The following FSIP1 variants were observed in gnomAD, a reference collection of about 807,000 sequenced individuals.
FSIP1 encodes fibrous sheath interacting protein 1.
FSIP1 carries 65 observed loss-of-function variants against 60.9 expected under a neutral mutation model. That is an observed-to-expected ratio of 1.07 (90% CI 0.87 to 1.31). The LOEUF (loss-of-function observed/expected upper bound fraction) is 1.31, where lower values mean the gene tolerates loss of function less well. FSIP1 is among the 40% of genes most tolerant of loss of function. The pLI is 0.00. For synonymous variants in FSIP1, 209 were observed against 221.2 expected, an observed-to-expected ratio of 0.94 and a Z score of 0.49; for missense variants, 675 against 665.5, an observed-to-expected ratio of 1.01 and a Z score of -0.16.
At chr15:39,659,174 T>C (rs1309302462) in intron 10 of FSIP1, among the ~76,000 whole-genome samples, 1 of 152,148 alleles carries the variant, frequency 6.6e-6, no homozygotes, top group Non-Finnish European at 1.5e-5. Context: ...CTAATGGATA[T>C]AAGGTTTCTT....
At chr15:39,732,908 T>G (rs918248139) in intron 8 of FSIP1, among the ~76,000 whole-genome samples, 2 of 152,210 alleles carry the variant, frequency 1.3e-5, no homozygotes, top group East Asian at 3.8e-4. Flanking sequence ...TCCTAAACTT[T>G]TCCTGCGGCA....
chr15:39,747,685 A>G (rs1465572899), intron 5 of FSIP1, among the ~76,000 whole-genome samples: 1 of 152,196 alleles, frequency 6.6e-6, no homozygotes, highest in African/African-American at 2.4e-5. Flanking sequence ...TGCAAGAAAG[A>G]TATCTGAACT....
At chr15:39,722,798 C>T (rs542570648) in intron 9 of FSIP1, among the ~76,000 whole-genome samples, 1 of 152,072 alleles carries the variant, frequency 6.6e-6, no homozygotes, top group Non-Finnish European at 1.5e-5. Flanking sequence ...GGTGTGATGG[C>T]ATGCACCTGT....
intron 5 of FSIP1, among the ~76,000 whole-genome samples, chr15:39,744,275 A>G (rs1344624489): frequency 6.6e-6 from 1 of 152,186 alleles, no homozygotes; most frequent in Non-Finnish European, 1.5e-5. Flanking sequence ...CACTACAAAC[A>G]TTCATGTGAG....
chr15:39,717,077 G>T (rs766823604), intron 9 of FSIP1, among the ~76,000 whole-genome samples: 2 of 152,070 alleles, frequency 1.3e-5, no homozygotes, highest in Non-Finnish European at 2.9e-5. Flanking sequence ...CCTCCAAAGT[G>T]CTGGGATTAC....
chr15:39,751,531 A>G (rs1021790542), intron 5 of FSIP1, among the ~76,000 whole-genome samples: 2 of 151,756 alleles, frequency 1.3e-5, no homozygotes, highest in African/African-American at 4.8e-5. Flanking sequence ...ACATAATACT[A>G]TGTGAAATAA....
chr15:39,711,659 C>CCCTACCATT (rs1204854703), intron 10 of FSIP1, among the ~76,000 whole-genome samples: 1 of 151,076 alleles, frequency 6.6e-6, no homozygotes, highest in Admixed American at 6.6e-5. Flanking sequence ...CCTTACACTT[C>CCCTACCATT]CCTACCATTC....
chr15:39,719,931 C>G (rs1028022939), intron 9 of FSIP1, among the ~76,000 whole-genome samples: 3 of 152,216 alleles, frequency 2.0e-5, no homozygotes, highest in African/African-American at 7.2e-5. Flanking sequence ...GTAAAGAGCT[C>G]TGAAGTAACT....
intron 11 of FSIP1, among the ~76,000 whole-genome samples, chr15:39,612,366 T>C (rs1485039934): frequency 1.3e-5 from 2 of 151,968 alleles, no homozygotes; most frequent in South Asian, 2.1e-4. Flanking sequence ...TTCACAAATA[T>C]GTGGAAATTA....
chr15:39,617,303 AGAG>A (rs1891267647), intron 11 of FSIP1, among the ~76,000 whole-genome samples: 1 of 152,224 alleles, frequency 6.6e-6, no homozygotes, highest in Non-Finnish European at 1.5e-5. Flanking sequence ...GTGGCTCAGG[AGAG>A]GAGGTTTGCA....
chr15:39,633,560 C>T (rs1892000093), intron 10 of FSIP1, among the ~76,000 whole-genome samples: 1 of 152,228 alleles, frequency 6.6e-6, no homozygotes, highest in African/African-American at 2.4e-5. Context: ...TATTAATGCA[C>T]AGTATAATTA....
intron 10 of FSIP1, among the ~76,000 whole-genome samples, chr15:39,687,911 T>C (rs981819599): frequency 6.6e-6 from 1 of 152,292 alleles, no homozygotes; most frequent in East Asian, 1.9e-4. Flanking sequence ...GTTCACAGCC[T>C]TAATGAGATT....
intron 10 of FSIP1, among the ~76,000 whole-genome samples, chr15:39,629,999 G>C (rs1009414147): frequency 6.6e-6 from 1 of 152,096 alleles, no homozygotes; most frequent in Non-Finnish European, 1.5e-5. Flanking sequence ...AGCTTTTTCT[G>C]GTCACAAATG....
At chr15:39,678,799 A>G (rs1366602817) in intron 10 of FSIP1, among the ~76,000 whole-genome samples, 8 of 152,194 alleles carry the variant, frequency 5.3e-5, no homozygotes, top group Non-Finnish European at 1.5e-5. Flanking sequence ...GAAATCACAT[A>G]GCCTCAGTCT....
At chr15:39,719,008 A>T (rs1201479408) in intron 9 of FSIP1, among the ~76,000 whole-genome samples, 1 of 152,174 alleles carries the variant, frequency 6.6e-6, no homozygotes, top group Non-Finnish European at 1.5e-5. Flanking sequence ...AATTCTCTAC[A>T]GTTAGACCCA....
Position 39,618,118 on chromosome 15 carries a change from G to A in FSIP1, c.1316C>T (p.Pro439Leu), listed in dbSNP as rs369221759. ...GGACCTGGAAAGCTGGGGGAACACA[G>A]GTGTTACGTCCTCAATGTCTTCCTT... Reference protein sequence around the residue: ...RKKEDIEDVTPVFPQLSRSII... With the variant: ...RKKEDIEDVTLVFPQLSRSII... Residue 439 changes from proline (P) to leucine (L), a missense_variant, in exon 11 of 12, where the codon CCT becomes CTT. Physicochemically the swap from Pro to Leu is moderately conservative, Grantham distance 98. Transcript: ENST00000350221. The A allele has an allele frequency of 4.3e-6, 7 of 1,614,006 alleles. No individual in the cohort carries two copies. Among genetic ancestry groups the A allele is most frequent in the Non-Finnish European group, 5.9e-6 (7 of 1,180,024 alleles).
At chr15:39,710,018 G>A (rs1338917989) in intron 10 of FSIP1, among the ~76,000 whole-genome samples, 5 of 152,152 alleles carry the variant, frequency 3.3e-5, no homozygotes, top group African/African-American at 4.8e-5. Flanking sequence ...CAAGGACTCA[G>A]GTCTCCAGAT....
At chr15:39,639,677 A>G (rs930720465) in intron 10 of FSIP1, among the ~76,000 whole-genome samples, 1 of 152,188 alleles carries the variant, frequency 6.6e-6, no homozygotes, top group Non-Finnish European at 1.5e-5. Context: ...GTATATGGAG[A>G]GCATTTTTAC....
chr15:39,766,085 T>C (rs1381606688), intron 3 of FSIP1, among the ~76,000 whole-genome samples: 1 of 152,220 alleles, frequency 6.6e-6, no homozygotes, highest in African/African-American at 2.4e-5. Flanking sequence ...CTTTCTATGT[T>C]CATGACTAAA....
Sources: allele counts gnomAD v4.1 joint callset (sites outside exome capture counted in the v4.1 genomes callset), GRCh38; gene constraint gnomAD v4.1.1; transcripts MANE v1.5; gene names NCBI Gene and HGNC (gene_info 2026-07-23, HGNC 2026-07-21).